The following VPS36 variants were observed in gnomAD, a reference collection of about 807,000 sequenced individuals.
VPS36 encodes the protein vacuolar protein-sorting-associated protein 36.
In VPS36, 31 loss-of-function variants were observed where a neutral mutation model predicts 63.5. That is an observed-to-expected ratio of 0.49 (90% CI 0.37 to 0.66). The LOEUF (loss-of-function observed/expected upper bound fraction) is 0.66, where lower values mean the gene tolerates loss of function less well. Among genes scored for constraint, VPS36 ranks in the 30% least tolerant of loss-of-function variants. The pLI, the probability that VPS36 is intolerant of heterozygous loss-of-function variation, is 0.00. For synonymous variants in VPS36, 138 were observed against 157.2 expected (o/e 0.88, Z 0.91); for missense variants, 338 against 463.7 (o/e 0.73, Z 2.49).
At chr13:52,442,528 CTAAAT>C in intron 1 of VPS36, 83 bp from the exon 2 acceptor site, 1 of 1,132,888 alleles carries the variant, frequency 8.8e-7, no homozygotes, top group Non-Finnish European at 1.3e-6. Flanking sequence ...TTATACCACA[CTAAAT>C]TAATCATATA....
At chr13:52,439,069 A>G (rs1379660472) in intron 3 of VPS36, 29 bp downstream of exon 3, 2 of 1,602,854 alleles carry the variant, frequency 1.2e-6, no homozygotes, top group African/African-American at 2.7e-5. Flanking sequence ...GTTTTCTGTG[A>G]ATAAAGACTG....
At chr13:52,447,928 C>T (rs1214495702) in intron 1 of VPS36, among the ~76,000 whole-genome samples, 2 of 152,068 alleles carry the variant, frequency 1.3e-5, no homozygotes, top group African/African-American at 4.8e-5. Flanking sequence ...CTCTGTGGAT[C>T]TTAGGCAAGT....
chr13:52,440,003 G>C (rs1958260222), intron 2 of VPS36, among the ~76,000 whole-genome samples: 1 of 150,028 alleles, frequency 6.7e-6, no homozygotes, highest in Non-Finnish European at 1.5e-5. Flanking sequence ...TTTTGAGATG[G>C]AGTCTCGCTC....
intron 9 of VPS36, among the ~76,000 whole-genome samples, chr13:52,424,886 G>T (rs530644731): frequency 6.6e-6 from 1 of 152,176 alleles, no homozygotes; most frequent in East Asian, 1.9e-4. Flanking sequence ...TACTCAGGAG[G>T]CTGAGGCAGG....
chr13:52,441,724 C>T (rs1442994834), intron 2 of VPS36, among the ~76,000 whole-genome samples: 1 of 151,956 alleles, frequency 6.6e-6, no homozygotes. Context: ...TGCACTCCAG[C>T]CTGGGCGAAA....
At chr13:52,416,173 G>T in intron 12 of VPS36, 80 bp from the exon 13 acceptor site, 2 of 1,339,674 alleles carry the variant, frequency 1.5e-6, no homozygotes, top group Non-Finnish European at 2.1e-6. Context: ...CTAATGGTAG[G>T]CAGAATGTAT....
intron 10 of VPS36, among the ~76,000 whole-genome samples, chr13:52,422,163 A>G (rs1440215736): frequency 6.6e-6 from 1 of 151,910 alleles, no homozygotes; most frequent in African/African-American, 2.4e-5. Flanking sequence ...TCTATTCTCT[A>G]CCTCCATGAG....
intron 6 of VPS36, among the ~76,000 whole-genome samples, chr13:52,428,157 A>G (rs1395464964): frequency 2.0e-5 from 3 of 152,186 alleles, no homozygotes; most frequent in Non-Finnish European, 4.4e-5. Flanking sequence ...CATAGAATCA[A>G]CTGTTTAATT....
rs1289037845 is a variant in VPS36 at position 52,414,441 on chromosome 13, C to G, written c.*1389G>C. On this transcript the variant is annotated 3_prime_UTR_variant, in exon 14 of 14. Coordinates refer to ENST00000378060, the MANE Select transcript of VPS36 (RefSeq NM_016075.4). Reference sequence around the variant, plus strand: ...AGTGGGATGTCTCAGGCACAGCATTCCTGTGACACTGGAGGATACGAAGCA... The same window carrying G: ...AGTGGGATGTCTCAGGCACAGCATTGCTGTGACACTGGAGGATACGAAGCA... The G allele has an allele frequency of 6.6e-6, 1 of 152,190 alleles. No homozygotes were observed. Among genetic ancestry groups the G allele is most frequent in the African/African-American group, 2.4e-5 (1 of 41,428 alleles). The allele number at this position is 152,190 out of a possible 1,614,324, so 9.4% of individuals were successfully genotyped here. A position where few individuals can be genotyped will look rare whatever the true frequency, so the allele number is the denominator to read the frequency against.
chr13:52,417,232 C>A, intron 11 of VPS36, 91 bp from the exon 12 acceptor site: 1 of 1,082,918 alleles, frequency 9.2e-7, no homozygotes, highest in Non-Finnish European at 1.4e-6. Context: ...TTCTTTTATG[C>A]CCAGATATGA....
At position 52,447,202 on chromosome 13, in the gene VPS36, C is replaced by A. The variant is rs185061897; in HGVS notation, c.96+3297G>T. 8.2e-3 allele frequency among the ~76,000 whole-genome samples: 1,241 copies of A among 152,118 alleles called. 12 individuals carry two copies. Among genetic ancestry groups the A allele is most frequent in the South Asian group, 0.016 (75 of 4,820 alleles). On this transcript the variant is annotated intron_variant, in intron 1 of 13. Coordinates refer to ENST00000378060, the MANE Select transcript of VPS36 (RefSeq NM_016075.4). Reference sequence around the variant, plus strand: ...CCATGCCATAATTTAATTAACCAATCCCTATGGTGGACATTCAGATTGCTT... The same window carrying A: ...CCATGCCATAATTTAATTAACCAATACCTATGGTGGACATTCAGATTGCTT...
At chr13:52,417,542 G>A (rs1014337865) in intron 11 of VPS36, among the ~76,000 whole-genome samples, 3 of 152,030 alleles carry the variant, frequency 2.0e-5, no homozygotes, top group Non-Finnish European at 4.4e-5. Flanking sequence ...GTATTTTTAG[G>A]AGAGACGGGG....
chr13:52,447,519 T>C (rs1371864152), intron 1 of VPS36, among the ~76,000 whole-genome samples: 1 of 152,188 alleles, frequency 6.6e-6, no homozygotes, highest in Non-Finnish European at 1.5e-5. Context: ...TAACACATTA[T>C]CTAGTCATAA....
Position 52,419,108 on chromosome 13 carries a change from A to G in VPS36, c.841-1052T>C, listed in dbSNP as rs919513410. Among the ~76,000 whole-genome samples the G allele has an allele frequency of 5.8e-4, 88 of 152,240 alleles. 1 individual carries two copies. Among genetic ancestry groups the G allele is most frequent in the Admixed American group, 5.6e-3 (85 of 15,284 alleles). On this transcript the variant is annotated intron_variant, in intron 10 of 13. Transcript: ENST00000378060. ...TCCAGTGGATGGTAAGTACTGACTA[A>G]TGGCAGCTATGATCAGCATTCAGAT... is the stretch of plus-strand genomic sequence containing the variant.
intron 1 of VPS36, among the ~76,000 whole-genome samples, chr13:52,445,203 C>CT (rs1350231334): frequency 3.3e-4 from 51 of 152,334 alleles, no homozygotes; most frequent in African/African-American, 1.2e-3. Context: ...ACTTCTGGCA[C>CT]TTAGTTCAGT....
chr13:52,419,559 T>A (rs1324432256), intron 10 of VPS36, among the ~76,000 whole-genome samples: 1 of 152,212 alleles, frequency 6.6e-6, no homozygotes. Context: ...GGTAAATTAG[T>A]ACAGCCACTA....
chr13:52,446,851 T>C (rs1419919659), intron 1 of VPS36, among the ~76,000 whole-genome samples: 1 of 151,658 alleles, frequency 6.6e-6, no homozygotes, highest in Non-Finnish European at 1.5e-5. Flanking sequence ...TCATTGGCAA[T>C]TCCTCATGCT....
chr13:52,425,859 C>T (rs1716314975), intron 9 of VPS36, 73 bp downstream of exon 9: 2 of 1,455,338 alleles, frequency 1.4e-6, no homozygotes, highest in Non-Finnish European at 1.8e-6. Context: ...TAGTTATGCT[C>T]TTGTTAACAT....
intron 2 of VPS36, among the ~76,000 whole-genome samples, chr13:52,441,549 G>C (rs558548087): frequency 1.2e-4 from 19 of 152,170 alleles, no homozygotes; most frequent in Non-Finnish European, 2.4e-4. Flanking sequence ...TCAGGAGTTA[G>C]AGACCAGCCT....
Sources: allele counts gnomAD v4.1 joint callset (sites outside exome capture counted in the v4.1 genomes callset), GRCh38; gene constraint gnomAD v4.1.1; transcripts MANE v1.5; gene names NCBI Gene and HGNC (gene_info 2026-07-23, HGNC 2026-07-21).